DCC: variants seen among roughly 807,000 people sequenced by gnomAD.
The protein encoded by DCC is DCC netrin 1 receptor, also known as netrin receptor DCC.
A neutral mutation model predicts 172.5 loss-of-function variants in DCC; 58 were observed. The observed-to-expected ratio is 0.34, with a 90% CI of 0.27 to 0.42. The LOEUF (loss-of-function observed/expected upper bound fraction) is 0.42. Ranked by LOEUF, DCC falls within the 10% of genes least tolerant of loss-of-function variation. The pLI is 1.00. For synonymous variants in DCC, 709 were observed against 644.5 expected (o/e 1.10, Z -1.52); for missense variants, 1,740 against 1,791.0 (o/e 0.97, Z 0.51).
chr18:52,412,686 T>C (rs1365692956), intron 1 of DCC, among the ~76,000 whole-genome samples: 1 of 152,152 alleles, frequency 6.6e-6, no homozygotes, highest in African/African-American at 2.4e-5. Context: ...CATACTTCAA[T>C]GGTTCTAACT....
intron 5 of DCC, among the ~76,000 whole-genome samples, chr18:53,027,002 T>C (rs770917117): frequency 3.7e-4 from 56 of 152,288 alleles, no homozygotes; most frequent in Non-Finnish European, 7.2e-4. Flanking sequence ...ATCCAAAAAA[T>C]TATTTGTAAT....
At chr18:52,724,559 C>T (rs1479529220) in intron 1 of DCC, among the ~76,000 whole-genome samples, 3 of 152,172 alleles carry the variant, frequency 2.0e-5, no homozygotes, top group African/African-American at 4.8e-5. Flanking sequence ...TACAGCTCTC[C>T]TCAATTTCAA....
chr18:52,737,104 T>C (rs1240973582), intron 1 of DCC, among the ~76,000 whole-genome samples: 1 of 152,206 alleles, frequency 6.6e-6, no homozygotes, highest in African/African-American at 2.4e-5. Flanking sequence ...CTTTTACTAT[T>C]CCTAAATGGT....
At chr18:52,910,993 T>G (rs1345327368) in intron 3 of DCC, among the ~76,000 whole-genome samples, 1 of 152,124 alleles carries the variant, frequency 6.6e-6, no homozygotes, top group Non-Finnish European at 1.5e-5. Flanking sequence ...ACAAATAGTT[T>G]TAGATTTTTC....
At chr18:52,867,981 A>G (rs2039254426) in intron 2 of DCC, among the ~76,000 whole-genome samples, 2 of 151,904 alleles carry the variant, frequency 1.3e-5, no homozygotes, top group East Asian at 1.9e-4. Flanking sequence ...ATCTTCCCAT[A>G]AATACAAATA....
chr18:52,472,158 T>G (rs977614964), intron 1 of DCC, among the ~76,000 whole-genome samples: 3 of 152,170 alleles, frequency 2.0e-5, no homozygotes, highest in Non-Finnish European at 1.5e-5. Context: ...TGTGATAGTC[T>G]CACAGGGCTC....
At chr18:52,420,149 A>T (rs559680960) in intron 1 of DCC, among the ~76,000 whole-genome samples, 6 of 152,318 alleles carry the variant, frequency 3.9e-5, no homozygotes, top group African/African-American at 1.4e-4. Context: ...GTGCATTTAG[A>T]AAAAAACAAG....
intron 27 of DCC, among the ~76,000 whole-genome samples, chr18:53,523,415 T>G (rs1053914892): frequency 6.6e-6 from 1 of 151,304 alleles, no homozygotes; most frequent in Admixed American, 6.6e-5. Context: ...TATTACTGGA[T>G]TCAAAGGATT....
intron 8 of DCC, among the ~76,000 whole-genome samples, chr18:53,166,416 T>C (rs2054922900): frequency 6.6e-6 from 1 of 152,120 alleles, no homozygotes; most frequent in East Asian, 1.9e-4. Flanking sequence ...TGTGTCAGCA[T>C]GTGGATGCTC....
At chr18:53,005,229 TA>T (rs1235249802) in intron 5 of DCC, among the ~76,000 whole-genome samples, 3 of 152,182 alleles carry the variant, frequency 2.0e-5, no homozygotes, top group Non-Finnish European at 4.4e-5. Flanking sequence ...ATGACCATAG[TA>T]AAAAATAATT....
intron 1 of DCC, among the ~76,000 whole-genome samples, chr18:52,477,290 C>A (rs1032124582): frequency 2.6e-5 from 4 of 152,140 alleles, no homozygotes; most frequent in African/African-American, 9.7e-5. Context: ...TTCACCAAAG[C>A]CATCAATACT....
intron 1 of DCC, among the ~76,000 whole-genome samples, chr18:52,709,582 G>C (rs752954994): frequency 5.3e-5 from 8 of 152,190 alleles, no homozygotes; most frequent in Non-Finnish European, 8.8e-5. Flanking sequence ...TTTAATTCCA[G>C]TGGTGGGGAT....
chr18:53,522,584 G>A (rs2144599950), intron 27 of DCC, among the ~76,000 whole-genome samples: 1 of 152,170 alleles, frequency 6.6e-6, no homozygotes, highest in African/African-American at 2.4e-5. Context: ...TAAACCAATG[G>A]AACAGAACAG....
Position 53,116,968 on chromosome 18 carries a change from C to T in DCC, c.1262-40388C>T, listed in dbSNP as rs561468805. Reference sequence around the variant, plus strand: ...AAAATAGTTTAGATTTTCAACCAGCCCATCAAGTGAACTTTCAAATAACCA... The same window carrying T: ...AAAATAGTTTAGATTTTCAACCAGCTCATCAAGTGAACTTTCAAATAACCA... On this transcript the variant is annotated intron_variant, in intron 7 of 28. Transcript: ENST00000442544. 1.4e-4 allele frequency among the ~76,000 whole-genome samples: 21 copies of T among 151,678 alleles called. No homozygotes were observed. In the South Asian group the frequency reaches 4.1e-3, roughly 30 times the overall value.
intron 12 of DCC, among the ~76,000 whole-genome samples, chr18:53,247,781 G>A (rs765828319): frequency 1.4e-4 from 21 of 151,902 alleles, no homozygotes; most frequent in South Asian, 8.3e-4. Context: ...ATTTGGTTTG[G>A]TTACCCTTAG....
chr18:52,852,606 A>G (rs1159882823), intron 2 of DCC, among the ~76,000 whole-genome samples: 1 of 151,886 alleles, frequency 6.6e-6, no homozygotes, highest in East Asian at 1.9e-4. Context: ...TGAATGTTAA[A>G]TAGACACTTA....
intron 1 of DCC, among the ~76,000 whole-genome samples, chr18:52,563,177 C>T (rs1203603193): frequency 1.3e-5 from 2 of 152,114 alleles, no homozygotes; most frequent in East Asian, 1.9e-4. Flanking sequence ...GATTGGCTAT[C>T]TAAAGCTGGG....
Position 53,197,414 on chromosome 18 carries a change from T to G in DCC, c.1574-7802T>G, listed in dbSNP as rs1002851349. Among the ~76,000 whole-genome samples, 123 of 131,838 alleles carry G rather than the reference T, an allele frequency of 9.3e-4. 1 individual carries two copies. The highest frequency in any genetic ancestry group is 4.2e-4 in the Non-Finnish European group (27 of 64,318). The allele number at this position is 131,838 out of a possible 152,430, so 86.5% of individuals were successfully genotyped here. A position where few individuals can be genotyped will look rare whatever the true frequency, so the allele number is the denominator to read the frequency against. On this transcript the variant is annotated intron_variant, in intron 9 of 28. Transcript: ENST00000442544. ...CAGTTTTTCTTCAAATCCACTTTTATTTTAGTTTTTTTTTTTTTTTTTTTT... is the reference window on the plus strand; with the variant it reads ...CAGTTTTTCTTCAAATCCACTTTTAGTTTAGTTTTTTTTTTTTTTTTTTTT...
At chr18:53,115,852 A>C (rs1340095176) in intron 7 of DCC, among the ~76,000 whole-genome samples, 1 of 151,616 alleles carries the variant, frequency 6.6e-6, no homozygotes, top group Non-Finnish European at 1.5e-5. Flanking sequence ...CTTTAAGACG[A>C]ATATTTTTCT....
Sources: gnomAD v4.1 joint callset for allele counts (sites outside exome capture counted in the v4.1 genomes callset) on GRCh38, gnomAD v4.1.1 for gene constraint, MANE v1.5 for transcripts, NCBI Gene and HGNC (gene_info 2026-07-23, HGNC 2026-07-21) for gene names.